The following NTM variants were observed in gnomAD, a reference collection of about 807,000 sequenced individuals.
NTM encodes IgLON family member 2.
In NTM, 13 loss-of-function variants were observed where a neutral mutation model predicts 42.1. The observed-to-expected ratio is 0.31, with a 90% CI of 0.20 to 0.49. The LOEUF (loss-of-function observed/expected upper bound fraction) is 0.49. Ranked by LOEUF, NTM falls within the 20% of genes least tolerant of loss-of-function variation. NTM has a pLI of 0.99. For synonymous variants in NTM, 187 were observed against 179.2 expected, an observed-to-expected ratio of 1.04 and a Z score of -0.35; for missense variants, 373 against 452.8, an observed-to-expected ratio of 0.82 and a Z score of 1.60.
At chr11:131,626,680 G>A (rs7131193) in intron 1 of NTM, among the ~76,000 whole-genome samples, 126,034 of 152,238 alleles carry the variant, frequency 0.83, 52,232 homozygotes, top group African/African-American at 0.85. Flanking sequence ...TGATTGAACT[G>A]GAACCCAAGA....
intron 2 of NTM, among the ~76,000 whole-genome samples, chr11:132,089,299 T>C (rs77589105): frequency 1.6e-3 from 241 of 152,316 alleles, no homozygotes; most frequent in African/African-American, 5.6e-3. Flanking sequence ...TGTGCCTTGT[T>C]TTTGGAATCA....
At chr11:131,890,156 GTCTCTCTC>G (rs371353789) in intron 1 of NTM, among the ~76,000 whole-genome samples, 2 of 54,952 alleles carry the variant, frequency 3.6e-5, no homozygotes, top group Non-Finnish European at 7.7e-5. Flanking sequence ...CTCTCTCTCT[GTCTCTCTC>G]TCTCTCTCTC....
chr11:132,134,705 G>GTGTGTATA (rs1277579004), intron 2 of NTM, among the ~76,000 whole-genome samples: 1 of 75,966 alleles, frequency 1.3e-5, no homozygotes, highest in South Asian at 6.3e-4. Context: ...GTATTCCATG[G>GTGTGTATA]TATATATATA....
intron 1 of NTM, among the ~76,000 whole-genome samples, chr11:131,638,584 A>C (rs2064730229): frequency 6.6e-6 from 1 of 151,722 alleles, no homozygotes. Context: ...AAAAAAAAAA[A>C]AAAAGATGCC....
chr11:131,537,636 T>C (rs370963709), intron 1 of NTM: 15 of 152,398 alleles, frequency 9.8e-5, no homozygotes, highest in African/African-American at 3.4e-4. Flanking sequence ...TTACTGAGTA[T>C]GTCTGCACAA....
At chr11:132,020,097 A>C (rs11222867) in intron 2 of NTM, among the ~76,000 whole-genome samples, 35 of 151,928 alleles carry the variant, frequency 2.3e-4, no homozygotes, top group Non-Finnish European at 2.5e-4. Context: ...TTTGATTTTC[A>C]GTTTTTGTGT....
At chr11:131,775,001 G>A (rs917913210) in intron 1 of NTM, among the ~76,000 whole-genome samples, 2 of 152,166 alleles carry the variant, frequency 1.3e-5, no homozygotes, top group Non-Finnish European at 2.9e-5. Flanking sequence ...GTTTCCATGG[G>A]AGTTGAAAAT....
At chr11:132,092,103 C>T (rs146788347) in intron 2 of NTM, among the ~76,000 whole-genome samples, 71 of 152,302 alleles carry the variant, frequency 4.7e-4, no homozygotes, top group African/African-American at 1.6e-3. Flanking sequence ...TTCTCAGTAA[C>T]GCCATTTGAT....
chr11:132,230,271 A>T (rs1359114491), intron 4 of NTM, among the ~76,000 whole-genome samples: 1 of 152,210 alleles, frequency 6.6e-6, no homozygotes, highest in Non-Finnish European at 1.5e-5. Context: ...CTCATTTTTT[A>T]AAGTATCTGA....
intron 1 of NTM, among the ~76,000 whole-genome samples, chr11:131,575,996 T>C (rs1374663665): frequency 6.6e-6 from 1 of 152,220 alleles, no homozygotes; most frequent in Admixed American, 6.5e-5. Flanking sequence ...TTCAGGACTG[T>C]TATCTTCCTT....
At chr11:131,807,564 G>A (rs1430546274) in intron 1 of NTM, among the ~76,000 whole-genome samples, 1 of 152,132 alleles carries the variant, frequency 6.6e-6, no homozygotes. Flanking sequence ...GCACAATAGT[G>A]CTAGAGCGCC....
intron 2 of NTM, among the ~76,000 whole-genome samples, chr11:132,103,639 A>T (rs2136605987): frequency 6.6e-6 from 1 of 152,262 alleles, no homozygotes. Context: ...CTTTCCTGAG[A>T]TTTCTGCAGC....
At position 132,002,720 on chromosome 11, in the gene NTM, T is replaced by G. The variant is rs755317427; in HGVS notation, c.167+91072T>G. Among the ~76,000 whole-genome samples the G allele has an allele frequency of 2.0e-5, 3 of 152,188 alleles. No homozygotes were observed. Among genetic ancestry groups the G allele is most frequent in the African/African-American group, 4.8e-5 (2 of 41,440 alleles). The stretch of plus-strand genomic sequence containing the variant: ...CTAAATTTTGTGGCAATACAATGCC[T>G]GGGTTTGAATTCAAGTTCTGCCACT... On this transcript the variant is annotated intron_variant, in intron 2 of 8. Coordinates refer to ENST00000683400, the MANE Select transcript of NTM (RefSeq NM_001352005.2). This position sits in a 1 kb window ranked among gnomAD's most constrained non-coding sequence, Gnocchi z 4.5.
chr11:131,405,655 C>T (rs1216474854), intron 1 of NTM, among the ~76,000 whole-genome samples: 1 of 152,278 alleles, frequency 6.6e-6, no homozygotes, highest in East Asian at 1.9e-4. Flanking sequence ...TCTCATGCCT[C>T]CTACAATCCA....
At position 132,206,900 on chromosome 11, in the gene NTM, T is replaced by C. The variant is rs544433463; in HGVS notation, c.401-5122T>C. Among the ~76,000 whole-genome samples, 7 of 152,340 alleles carry C rather than the reference T, an allele frequency of 4.6e-5. No homozygotes were observed. In the South Asian group the frequency reaches 1.5e-3, roughly 32 times the overall value. On this transcript the variant is annotated intron_variant, in intron 3 of 8. Coordinates refer to ENST00000683400, the MANE Select transcript of NTM (RefSeq NM_001352005.2). ...TGTACTGTTCATTCACATTCAATCA[T>C]ACACAATTTTCCAACATATTTTGCC...
chr11:131,888,193 C>T (rs756167112), intron 1 of NTM, among the ~76,000 whole-genome samples: 81 of 152,124 alleles, frequency 5.3e-4, no homozygotes, highest in African/African-American at 1.8e-3. Flanking sequence ...TTCAGCTACT[C>T]GGGAGGCTGA....
intron 1 of NTM, among the ~76,000 whole-genome samples, chr11:131,387,356 C>T (rs1591528181): frequency 6.6e-6 from 1 of 152,280 alleles, no homozygotes; most frequent in East Asian, 1.9e-4. Context: ...CCCCTCTTCA[C>T]TCTGCTCCAT....
intron 1 of NTM, among the ~76,000 whole-genome samples, chr11:131,779,991 T>C (rs1049044066): frequency 2.0e-5 from 3 of 152,178 alleles, no homozygotes; most frequent in African/African-American, 7.2e-5. Context: ...CCCACTCCCC[T>C]ATATCAGAAT....
intron 1 of NTM, among the ~76,000 whole-genome samples, chr11:131,860,330 G>C (rs920661050): frequency 1.3e-5 from 2 of 152,144 alleles, no homozygotes; most frequent in African/African-American, 4.8e-5. Context: ...GATCATAAGG[G>C]GTCAAGGCAC....
Sources: gnomAD v4.1 joint callset for allele counts (sites outside exome capture counted in the v4.1 genomes callset) on GRCh38, gnomAD v4.1.1 for gene constraint, Gnocchi (gnomAD v3.1) non-coding constraint, MANE v1.5 for transcripts, NCBI Gene and HGNC (gene_info 2026-07-23, HGNC 2026-07-21) for gene names.